The following CTNNA3 variants were observed in gnomAD, a reference collection of about 807,000 sequenced individuals.
CTNNA3 encodes the protein catenin alpha 3.
CTNNA3 carries 76 observed loss-of-function variants against 95.7 expected under a neutral mutation model. The observed-to-expected ratio is 0.79, with a 90% confidence interval of 0.66 to 0.96. CTNNA3 has a LOEUF of 0.96. Ranked by LOEUF, CTNNA3 falls within the 40% of genes least tolerant of loss-of-function variation. The pLI is 0.00. For missense variants in CTNNA3, 1,191 were observed against 1,089.8 expected (o/e 1.09, Z -1.31); for synonymous variants, 431 against 374.4 (o/e 1.15, Z -1.74).
chr10:66,952,760 G>A (rs375430928), intron 7 of CTNNA3, among the ~76,000 whole-genome samples: 8 of 151,784 alleles, frequency 5.3e-5, no homozygotes, highest in Non-Finnish European at 1.0e-4. Context: ...TCTTCTGCTT[G>A]GTTAGTGCTT....
chr10:66,562,722 C>G (rs1026102424), intron 10 of CTNNA3, among the ~76,000 whole-genome samples: 1 of 151,802 alleles, frequency 6.6e-6, no homozygotes, highest in Non-Finnish European at 1.5e-5. Flanking sequence ...TTTAGGATCT[C>G]TTTTAGTTTA....
chr10:66,241,899 A>G (rs1037322219), intron 13 of CTNNA3, among the ~76,000 whole-genome samples: 1 of 152,132 alleles, frequency 6.6e-6, no homozygotes, highest in African/African-American at 2.4e-5. Flanking sequence ...TCCACTCCTA[A>G]AACAAAATAC....
intron 9 of CTNNA3, among the ~76,000 whole-genome samples, chr10:66,623,075 T>G (rs570007681): frequency 3.5e-4 from 54 of 152,202 alleles, no homozygotes; most frequent in African/African-American, 1.2e-3. Context: ...TTCTGACACA[T>G]AATTAGCACA....
chr10:67,603,585 T>TA (rs1010368267), intron 3 of CTNNA3, among the ~76,000 whole-genome samples: 6 of 148,116 alleles, frequency 4.1e-5, no homozygotes, highest in Admixed American at 3.4e-4. Flanking sequence ...TAGATTTTAG[T>TA]AAAAAAAACT....
intron 7 of CTNNA3, among the ~76,000 whole-genome samples, chr10:67,096,968 G>C (rs1034192342): frequency 2.0e-5 from 3 of 151,906 alleles, no homozygotes; most frequent in Non-Finnish European, 4.4e-5. Flanking sequence ...TCATGGGTAA[G>C]AATAGCCAGA....
intron 12 of CTNNA3, among the ~76,000 whole-genome samples, chr10:66,305,072 G>A (rs1025237246): frequency 6.6e-6 from 1 of 151,852 alleles, no homozygotes. Context: ...CTCATCCTCA[G>A]CCCCTCTCTA....
intron 9 of CTNNA3, among the ~76,000 whole-genome samples, chr10:66,723,941 TTTCTC>T (rs1315162075): frequency 6.6e-6 from 1 of 152,140 alleles, no homozygotes; most frequent in African/African-American, 2.4e-5. Context: ...TTTGAGAGCT[TTTCTC>T]TTTCTTTCAT....
chr10:65,930,199 T>TAAAAAAAA (rs71472402), intron 17 of CTNNA3, among the ~76,000 whole-genome samples: 15 of 60,712 alleles, frequency 2.5e-4, no homozygotes, highest in Non-Finnish European at 3.2e-4. Flanking sequence ...CAGAGCTCAG[T>TAAAAAAAA]AAAAAAAAAA....
At chr10:67,324,930 C>G (rs969166577) in intron 5 of CTNNA3, among the ~76,000 whole-genome samples, 1 of 151,946 alleles carries the variant, frequency 6.6e-6, no homozygotes. Context: ...CATTATTGAT[C>G]AATTCAGAGA....
intron 10 of CTNNA3, among the ~76,000 whole-genome samples, chr10:66,526,383 C>T (rs902380508): frequency 2.6e-5 from 4 of 152,084 alleles, no homozygotes; most frequent in African/African-American, 4.8e-5. Flanking sequence ...GACAAGGTTT[C>T]GTCATGTTGC....
intron 13 of CTNNA3, among the ~76,000 whole-genome samples, chr10:66,264,267 A>G (rs951086950): frequency 6.6e-6 from 1 of 151,822 alleles, no homozygotes; most frequent in Non-Finnish European, 1.5e-5. Flanking sequence ...CACACACACA[A>G]TGCCCCAAAA....
chr10:67,516,144 A>G (rs1215233993), intron 5 of CTNNA3, among the ~76,000 whole-genome samples: 4 of 152,044 alleles, frequency 2.6e-5, no homozygotes, highest in African/African-American at 9.7e-5. Context: ...TTGTATTTTT[A>G]GTAGAGACGG....
chr10:67,383,486 A>G (rs1324717751), intron 5 of CTNNA3, among the ~76,000 whole-genome samples: 1 of 152,210 alleles, frequency 6.6e-6, no homozygotes, highest in Non-Finnish European at 1.5e-5. Context: ...CTAGCTGCAT[A>G]TTAAGATTCT....
At chr10:67,730,790 G>T (rs144793989) in intron 1 of CTNNA3, among the ~76,000 whole-genome samples, 2 of 152,176 alleles carry the variant, frequency 1.3e-5, no homozygotes, top group Non-Finnish European at 2.9e-5. Flanking sequence ...ATTTGGTGAT[G>T]AATTAGTGAT....
intron 5 of CTNNA3, among the ~76,000 whole-genome samples, chr10:67,411,050 G>A (rs1845347236): frequency 6.6e-6 from 1 of 152,074 alleles, no homozygotes; most frequent in Non-Finnish European, 1.5e-5. Context: ...GGCTGGGAGT[G>A]AGGAGATGGG....
chr10:66,095,773 C>T (rs1268407290), intron 14 of CTNNA3, among the ~76,000 whole-genome samples: 5 of 151,972 alleles, frequency 3.3e-5, no homozygotes, highest in Non-Finnish European at 7.4e-5. Context: ...TTGCTATTGA[C>T]GTTTTGAGGT....
chr10:67,714,733 A>G (rs1841132760), intron 1 of CTNNA3, among the ~76,000 whole-genome samples: 1 of 152,158 alleles, frequency 6.6e-6, no homozygotes, highest in Admixed American at 6.5e-5. Flanking sequence ...TCCCCACCCA[A>G]ATCTCATCTT....
At chr10:66,438,436 G>A (rs941431023) in intron 11 of CTNNA3, among the ~76,000 whole-genome samples, 2 of 152,198 alleles carry the variant, frequency 1.3e-5, no homozygotes, top group Non-Finnish European at 2.9e-5. Context: ...GGCTACAGAG[G>A]CTTTGCTGCA....
intron 13 of CTNNA3, among the ~76,000 whole-genome samples, chr10:66,145,145 A>C (rs1256106384): frequency 6.6e-6 from 1 of 152,178 alleles, no homozygotes; most frequent in Non-Finnish European, 1.5e-5. Context: ...CTAAGTATTT[A>C]TTACTAGTTA....
Sources: gnomAD v4.1 joint callset for allele counts (sites outside exome capture counted in the v4.1 genomes callset) on GRCh38, gnomAD v4.1.1 for gene constraint, MANE v1.5 for transcripts, NCBI Gene and HGNC (gene_info 2026-07-23, HGNC 2026-07-21) for gene names.